The following LEKR1 variants were observed in gnomAD, a reference collection of about 807,000 sequenced individuals.
The protein encoded by LEKR1 is protein LEKR1.
Under a neutral mutation model 72.4 loss-of-function variants are expected in LEKR1, and 59 were observed. The ratio of observed to expected loss-of-function variants is 0.82; its 90% CI spans 0.66 to 1.01. The LOEUF (loss-of-function observed/expected upper bound fraction) is 1.01, where lower values mean the gene tolerates loss of function less well. LEKR1 is among the 50% of genes least tolerant of loss of function. The pLI is 0.00. For missense variants in LEKR1, 728 were observed against 759.2 expected (o/e 0.96, Z 0.48); for synonymous variants, 257 against 263.2 (o/e 0.98, Z 0.23).
intron 12 of LEKR1, among the ~76,000 whole-genome samples, chr3:157,043,831 A>G (rs1735551321): frequency 6.6e-6 from 1 of 152,250 alleles, no homozygotes; most frequent in Admixed American, 6.5e-5. Flanking sequence ...AACTGGAAGC[A>G]AGTGATTAAC....
chr3:156,989,992 A>G (rs1364321400), intron 7 of LEKR1, among the ~76,000 whole-genome samples: 1 of 152,204 alleles, frequency 6.6e-6, no homozygotes, highest in Non-Finnish European at 1.5e-5. Context: ...CAATTTTGTC[A>G]GTTGACCTAA....
intron 9 of LEKR1, among the ~76,000 whole-genome samples, chr3:157,002,535 A>G (rs1307002127): frequency 6.6e-6 from 1 of 152,170 alleles, no homozygotes; most frequent in Non-Finnish European, 1.5e-5. Flanking sequence ...ATCAAGAACA[A>G]TGAGTGCATA....
chr3:156,988,278 G>A lies in LEKR1; in HGVS notation c.828-4375G>A, dbSNP rs1266639614. 2.0e-5 allele frequency: 4 copies of A among 202,050 alleles called. No individual in the cohort carries two copies. In the East Asian group the frequency reaches 5.0e-4, roughly 25 times the overall value. 12.5% of individuals were successfully genotyped at this position (202,050 alleles called of 1,614,324 possible). ...TGTGGAGATGGTTGGCCTTACAGCG[G>A]TAGATATCTGTCTAGAACAGTACCA... On this transcript the variant is annotated intron_variant, in intron 7 of 12. Transcript: ENST00000356539.
chr3:156,966,832 C>T (rs2107988260), intron 6 of LEKR1, among the ~76,000 whole-genome samples: 1 of 152,316 alleles, frequency 6.6e-6, no homozygotes, highest in African/African-American at 2.4e-5. Context: ...ACTGCCTCCT[C>T]AAGTGGGTCC....
chr3:156,907,895 A>T (rs557882947), intron 3 of LEKR1, among the ~76,000 whole-genome samples: 1 of 151,926 alleles, frequency 6.6e-6, no homozygotes, highest in Non-Finnish European at 1.5e-5. Context: ...GTTAGAGTTC[A>T]TATCTTCTTA....
chr3:156,938,311 A>G lies in LEKR1; in HGVS notation c.560-4218A>G, dbSNP rs369057699. ...TTAAGTTTGAATAGGAACTCCCTAC[A>G]CATTTCTTTGCAACTTTCTGTAAAT... On this transcript the variant is annotated intron_variant, in intron 5 of 12. Coordinates refer to ENST00000356539, the MANE Select transcript of LEKR1 (RefSeq NM_001004316.3). Among the ~76,000 whole-genome samples the G allele has an allele frequency of 9.2e-5, 14 of 152,340 alleles. No homozygotes were observed. In the East Asian group the frequency reaches 2.5e-3, roughly 27 times the overall value.
At chr3:156,892,233 A>T (rs1423239025) in intron 3 of LEKR1, among the ~76,000 whole-genome samples, 1 of 152,152 alleles carries the variant, frequency 6.6e-6, no homozygotes. Flanking sequence ...AGACGCCACC[A>T]GACTAAGCGT....
intron 10 of LEKR1, 79 bp downstream of exon 10, chr3:157,011,585 C>A: frequency 1.0e-6 from 1 of 956,632 alleles, no homozygotes; most frequent in Non-Finnish European, 1.7e-6. Flanking sequence ...AAGACTCTTC[C>A]GGATAGATTT....
At chr3:156,870,427 A>T (rs1439553694) in intron 3 of LEKR1, among the ~76,000 whole-genome samples, 1 of 151,754 alleles carries the variant, frequency 6.6e-6, no homozygotes, top group African/African-American at 2.4e-5. Context: ...GGTTAAATTT[A>T]TTTTTAGGTA....
chr3:157,034,685 G>C (rs1734842261), intron 12 of LEKR1, among the ~76,000 whole-genome samples: 1 of 152,240 alleles, frequency 6.6e-6, no homozygotes, highest in Non-Finnish European at 1.5e-5. Context: ...TGAGAGGATT[G>C]ACTCCAATTT....
Position 157,045,549 on chromosome 3 carries a change from C to T in LEKR1, c.1878C>T (p.Asn626=). 6.2e-7 allele frequency: 1 copy of T among 1,614,132 alleles called. No individual in the cohort carries two copies. The highest frequency in any genetic ancestry group is 8.5e-7 in the Non-Finnish European group (1 of 1,180,022). Residue 626 remains asparagine (N), a synonymous_variant, in exon 13 of 13, where the codon AAC becomes AAT. Transcript: ENST00000356539. ...NHGERSLARL[N]SEKGIQIPNL... Reference sequence around the variant, plus strand: ...GAGAGAGAAGCCTTGCAAGACTGAACTCTGAAAAAGGAATCCAAATTCCCA... The same window carrying T: ...GAGAGAGAAGCCTTGCAAGACTGAATTCTGAAAAAGGAATCCAAATTCCCA...
At chr3:156,844,520 A>G (rs1007654603) in intron 2 of LEKR1, among the ~76,000 whole-genome samples, 2 of 151,964 alleles carry the variant, frequency 1.3e-5, no homozygotes, top group Admixed American at 6.6e-5. Flanking sequence ...AACTTCCCCA[A>G]TCTCTTCCCT....
At position 156,928,057 on chromosome 3, in the gene LEKR1, G is replaced by A. The variant is rs75792936; in HGVS notation, c.559+453G>A. On this transcript the variant is annotated intron_variant, in intron 5 of 12. Transcript: ENST00000356539. ...AAAGATGCCAATTTGAAAGGGCTAC[G>A]TACTATATTATTCCAACTATATGAC... Among the ~76,000 whole-genome samples the A allele has an allele frequency of 3.6e-3, 548 of 152,044 alleles. 2 individuals are homozygous for A. Among genetic ancestry groups the A allele is most frequent in the Non-Finnish European group, 5.3e-3 (359 of 67,872 alleles).
chr3:157,018,355 A>G (rs1032127282), intron 10 of LEKR1, among the ~76,000 whole-genome samples: 1 of 152,202 alleles, frequency 6.6e-6, no homozygotes, highest in African/African-American at 2.4e-5. Context: ...AGAATTCTCA[A>G]TTTGACAGCA....
chr3:156,944,980 T>G (rs1726555372), intron 6 of LEKR1, among the ~76,000 whole-genome samples: 1 of 151,772 alleles, frequency 6.6e-6, no homozygotes, highest in South Asian at 2.1e-4. Flanking sequence ...TCTAGTTTTT[T>G]GAGGAACCTC....
At position 157,024,873 on chromosome 3, in the gene LEKR1, C is replaced by T. The variant is rs754800388; in HGVS notation, c.1317C>T (p.His439=). The T allele has an allele frequency of 1.2e-6, 2 of 1,607,346 alleles. No individual in the cohort carries two copies. Among genetic ancestry groups the T allele is most frequent in the African/African-American group, 1.3e-5 (1 of 74,642 alleles). The change falls in exon 11 of 13, where the codon CAC becomes CAT. Residue 439 remains histidine (H), a synonymous_variant. Transcript: ENST00000356539. The part of the protein sequence containing the change: ...KLQLDIEKEK[H]QDVIQKYKKE... ...AACTTGATATTGAAAAAGAAAAACA[C>T]CAAGATGTAATCCAAAAGTATAAGA...
chr3:156,933,938 C>T (rs1277086747), intron 5 of LEKR1, among the ~76,000 whole-genome samples: 1 of 152,132 alleles, frequency 6.6e-6, no homozygotes, highest in Non-Finnish European at 1.5e-5. Flanking sequence ...CATGACTGTA[C>T]AATATGTGAA....
intron 3 of LEKR1, among the ~76,000 whole-genome samples, chr3:156,858,804 T>A (rs1716406841): frequency 6.6e-6 from 1 of 152,228 alleles, no homozygotes; most frequent in South Asian, 2.1e-4. Flanking sequence ...TTAAAGCTAT[T>A]AAGTTTTCCT....
intron 6 of LEKR1, among the ~76,000 whole-genome samples, chr3:156,956,133 G>A (rs1417396349): frequency 6.6e-6 from 1 of 151,798 alleles, no homozygotes; most frequent in Non-Finnish European, 1.5e-5. Context: ...CTGAGAAAGT[G>A]GTTAGGAACC....
Sources: gnomAD v4.1 joint callset for allele counts (sites outside exome capture counted in the v4.1 genomes callset) on GRCh38, gnomAD v4.1.1 for gene constraint, MANE v1.5 for transcripts, NCBI Gene and HGNC (gene_info 2026-07-23, HGNC 2026-07-21) for gene names.